RTEL1: variants seen among roughly 807,000 people sequenced by gnomAD.
RTEL1 encodes the protein regulator of telomere length.
In RTEL1, 86 loss-of-function variants were observed where a neutral mutation model predicts 162.2. The ratio of observed to expected loss-of-function variants is 0.53; its 90% CI spans 0.45 to 0.63. The LOEUF (loss-of-function observed/expected upper bound fraction) is 0.63, where lower values mean the gene tolerates loss of function less well. RTEL1 is among the 30% of genes least tolerant of loss of function. The pLI, the probability that RTEL1 is intolerant of heterozygous loss-of-function variation, is 0.00. For missense variants in RTEL1, 1,941 were observed against 1,750.2 expected, an observed-to-expected ratio of 1.11 and a Z score of -1.95; for synonymous variants, 958 against 717.9, an observed-to-expected ratio of 1.33 and a Z score of -5.35.
chr20:63,676,091 T>C (rs1181414462), intron 10 of RTEL1, among the ~76,000 whole-genome samples: 2 of 151,788 alleles, frequency 1.3e-5, no homozygotes, highest in Non-Finnish European at 2.9e-5. Flanking sequence ...CCTTTGGAGA[T>C]GGGGTCTCAC....
In RTEL1 at chr20:63,693,269, T is replaced by A. The variant is rs775605541; in HGVS notation, c.2978T>A (p.Val993Asp). Residue 993 changes from valine to aspartate, a missense_variant, in exon 30 of 35, where the codon GTC (valine) becomes GAC (aspartate). Transcript: ENST00000360203. Reference protein sequence around the residue: ...SIPRRQRAQPVLDPTGRTAPD... With the variant: ...SIPRRQRAQPDLDPTGRTAPD... ...CCCCGAAGGCAGCGGGCACAGCCGG[T>A]CCTGGACCCCACTGGTAAATGGGGC... 6.2e-7 allele frequency: 1 copy of A among 1,611,796 alleles called. No individual in the cohort carries two copies. The highest frequency in any genetic ancestry group is 8.5e-7 in the Non-Finnish European group (1 of 1,179,404).
intron 28 of RTEL1, chr20:63,692,203 C>T (rs1601179274): frequency 4.2e-6 from 1 of 236,802 alleles, no homozygotes; most frequent in Non-Finnish European, 8.3e-6. Flanking sequence ...AGGAAGCCCC[C>T]TGCCTGCTGG....
chr20:63,674,659 C>T (rs1258141760), intron 10 of RTEL1, among the ~76,000 whole-genome samples: 2 of 151,166 alleles, frequency 1.3e-5, no homozygotes, highest in Non-Finnish European at 2.9e-5. Flanking sequence ...CAGATGACTC[C>T]ACTGCACTCC....
At chr20:63,664,375 G>A (rs2090082974) in intron 6 of RTEL1, among the ~76,000 whole-genome samples, 1 of 152,236 alleles carries the variant, frequency 6.6e-6, no homozygotes, top group South Asian at 2.1e-4. Flanking sequence ...CCGTGGTCCT[G>A]GACAAGGGCA....
Position 63,695,313 on chromosome 20 carries a change from A to T in RTEL1, c.3500-15A>T. On this transcript the variant is annotated splice_polypyrimidine_tract_variant and intron_variant, in intron 33 of 34. Transcript: ENST00000360203. ...AAGCCCCAGGCCCCCCTCAGACTCAAGTCTCTGTCTCCAGGCCCCTCACGG... is the reference window on the plus strand; with the variant it reads ...AAGCCCCAGGCCCCCCTCAGACTCATGTCTCTGTCTCCAGGCCCCTCACGG... The T allele has an allele frequency of 1.9e-6, 3 of 1,574,556 alleles. No homozygotes were observed. The South Asian group carries it at 3.5e-5, about 18-fold the overall frequency.
Position 63,671,475 on chromosome 20 carries a change from C to G in RTEL1, c.700-1081C>G, listed in dbSNP as rs1055924773. Among the ~76,000 whole-genome samples the G allele has an allele frequency of 7.2e-5, 11 of 151,986 alleles. No individual in the cohort carries two copies. In the East Asian group the frequency reaches 1.2e-3, roughly 16 times the overall value. On this transcript the variant is annotated intron_variant, in intron 8 of 34. Coordinates refer to ENST00000360203, the MANE Select transcript of RTEL1 (RefSeq NM_001283009.2). The stretch of plus-strand genomic sequence containing the variant: ...AACTCAGTACACTTAAAATGAACAT[C>G]TTAATGTGTGAAATTTTTTTTTTTG...
intron 14 of RTEL1, 48 bp from the exon 15 acceptor site, chr20:63,685,475 C>T (rs778509918): frequency 1.5e-5 from 24 of 1,583,578 alleles, no homozygotes; most frequent in Admixed American, 3.5e-5. Flanking sequence ...TGCAGAAAGT[C>T]GGGTGGCCTC....
Position 63,679,934 on chromosome 20 carries a change from C to G in RTEL1, c.1123C>G (p.His375Asp). Residue 375 changes from histidine (H) to aspartate (D), a missense_variant, in exon 13 of 35, where the codon CAC becomes GAC. Coordinates refer to ENST00000360203, the MANE Select transcript of RTEL1 (RefSeq NM_001283009.2). ...ILDSLDQIIQ[H>D]LAGRAGVFTN... ...GGACTCGCTGGACCAGATCATCCAG[C>G]ACCTGGCAGGACGTGAGTGCTGGCA... The G allele has an allele frequency of 6.2e-7, 1 of 1,611,834 alleles. No homozygotes were observed. Among genetic ancestry groups the G allele is most frequent in the Non-Finnish European group, 8.5e-7 (1 of 1,179,394 alleles).
chr20:63,662,364 C>T (rs748603322), intron 4 of RTEL1, 182 bp from the exon 5 acceptor site: 11 of 1,242,586 alleles, frequency 8.9e-6, no homozygotes, highest in Middle Eastern at 1.8e-4. Context: ...CGAATCTCCT[C>T]CCTCTGTCCA....
chr20:63,694,047 C>T (rs1239651318), intron 30 of RTEL1, among the ~76,000 whole-genome samples: 1 of 152,032 alleles, frequency 6.6e-6, no homozygotes, highest in African/African-American at 2.4e-5. Flanking sequence ...TCCCCTAGTT[C>T]ACCCAGGGGG....
At chr20:63,676,526 C>G (rs2090352877) in intron 10 of RTEL1, among the ~76,000 whole-genome samples, 1 of 152,176 alleles carries the variant, frequency 6.6e-6, no homozygotes, top group Non-Finnish European at 1.5e-5. Flanking sequence ...TGGGGGCTTG[C>G]AAGATGGCAG....
chr20:63,682,455 A>C, intron 14 of RTEL1: 2 of 985,756 alleles, frequency 2.0e-6, no homozygotes, highest in South Asian at 9.4e-5. Context: ...CGGATCCTGG[A>C]ACGTGGCCTC....
At chr20:63,687,617 C>G (rs779546948) in intron 16 of RTEL1, 21 bp from the exon 17 acceptor site, 3 of 1,589,828 alleles carry the variant, frequency 1.9e-6, no homozygotes, top group Admixed American at 1.7e-5. Flanking sequence ...TCTGTGCCCT[C>G]TGCCGCCCCC....
At chr20:63,682,659 G>A in intron 14 of RTEL1, 2 of 985,820 alleles carry the variant, frequency 2.0e-6, no homozygotes, top group Non-Finnish European at 2.4e-6. Context: ...GCCCCTGCAG[G>A]TGTGGGCGGT....
rs892097910 is a variant in RTEL1 at position 63,692,470 on chromosome 20, C to T, written c.2653-335C>T. Reference sequence around the variant, plus strand: ...GCGCTGCCATCCTGGGAGCCTCAGCCGCATCCGCTGTGGGGCAGGGGGCTT... The same window carrying T: ...GCGCTGCCATCCTGGGAGCCTCAGCTGCATCCGCTGTGGGGCAGGGGGCTT... On this transcript the variant is annotated intron_variant, in intron 28 of 34. Transcript: ENST00000360203. The T allele has an allele frequency of 1.4e-4, 54 of 392,496 alleles. 1 individual carries two copies. Among genetic ancestry groups the T allele is most frequent in the Middle Eastern group, 7.5e-4 (1 of 1,338 alleles). The allele number at this position is 392,496 out of a possible 1,614,324, so 24.3% of individuals were successfully genotyped here.
chr20:63,694,545 C>A, intron 31 of RTEL1, 57 bp downstream of exon 31: 1 of 1,414,212 alleles, frequency 7.1e-7, no homozygotes, highest in Non-Finnish European at 9.8e-7. Context: ...TCAGTGGCTT[C>A]ACGAGGCTAA....
Position 63,685,876 on chromosome 20 carries a change from C to T in RTEL1, c.1348+4C>T. The T allele has an allele frequency of 6.2e-7, 1 of 1,612,064 alleles. No individual in the cohort carries two copies. The highest frequency in any genetic ancestry group is 8.5e-7 in the Non-Finnish European group (1 of 1,179,632). ...ACCACTGCAGCCAGAAAGCGAGGTA[C>T]AGACCTGGGCCCACACGCTCCCCGC... is the stretch of plus-strand genomic sequence containing the variant. On this transcript the variant is annotated splice_donor_region_variant and intron_variant, in intron 16 of 34. Coordinates refer to ENST00000360203, the MANE Select transcript of RTEL1 (RefSeq NM_001283009.2).
Position 63,679,894 on chromosome 20 carries a change from C to CA in RTEL1, c.1085dup (p.Cys364LeufsTer59). The CA allele has an allele frequency of 6.2e-7, 1 of 1,612,356 alleles. No individual in the cohort carries two copies. The highest frequency in any genetic ancestry group is 8.5e-7 in the Non-Finnish European group (1 of 1,179,962). ...CTGAAGCCCAGATCACGTTTCAGAC[C>CA]AAGGGCTGCATCCTGGACTCGCTGG... On this transcript the variant is annotated frameshift_variant, in exon 13 of 35. Transcript: ENST00000360203. LOFTEE classifies it high-confidence loss of function.
At chr20:63,675,388 G>A (rs1417881240) in intron 10 of RTEL1, among the ~76,000 whole-genome samples, 1 of 152,096 alleles carries the variant, frequency 6.6e-6, no homozygotes, top group African/African-American at 2.4e-5. Context: ...CTGGACCCTG[G>A]GGAGCCCCGT....
Sources: allele counts gnomAD v4.1 joint callset (sites outside exome capture counted in the v4.1 genomes callset), GRCh38; gene constraint gnomAD v4.1.1; transcripts MANE v1.5; gene names NCBI Gene and HGNC (gene_info 2026-07-23, HGNC 2026-07-21).